The following POLA1 variants were observed in gnomAD, a reference collection of about 807,000 sequenced individuals.
POLA1 encodes the protein DNA polymerase alpha catalytic subunit.
POLA1 carries 15 observed loss-of-function variants against 124.0 expected under a neutral mutation model. The observed-to-expected ratio is 0.12, with a 90% CI of 0.08 to 0.19. The LOEUF is 0.19. Among genes scored for constraint, POLA1 ranks in the 10% least tolerant of loss-of-function variants. The pLI, the probability that POLA1 is intolerant of heterozygous loss-of-function variation, is 1.00. For synonymous variants in POLA1, 408 were observed against 389.4 expected (o/e 1.05, Z -0.56); for missense variants, 886 against 1,103.4 (o/e 0.80, Z 2.79).
chrX:24,936,170 A>G (rs1251855892), intron 36 of POLA1, among the ~76,000 whole-genome samples: 2 of 112,484 alleles, frequency 1.8e-5, no homozygotes, highest in Non-Finnish European at 3.8e-5. Context: ...CAAAGACAAC[A>G]GCTAGTACTG....
At chrX:24,940,188 A>G (rs2047895749) in intron 36 of POLA1, among the ~76,000 whole-genome samples, 1 of 111,996 alleles carries the variant, frequency 8.9e-6, no homozygotes, top group Non-Finnish European at 1.9e-5. Flanking sequence ...GTTTAATTCA[A>G]TAAAGCTATG....
chrX:24,887,749 G>A (rs1040304128), intron 34 of POLA1, among the ~76,000 whole-genome samples: 2 of 109,309 alleles, frequency 1.8e-5, no homozygotes, highest in African/African-American at 3.3e-5. Context: ...GAGTGAGGAA[G>A]GGTGTTTCTT....
intron 18 of POLA1, 120 bp from the exon 19 acceptor site, chrX:24,737,505 C>T: frequency 2.1e-6 from 1 of 477,464 alleles, no homozygotes; most frequent in Non-Finnish European, 3.7e-6. Context: ...GAGGTAAGTG[C>T]ATGATGTCTT....
chrX:24,732,957 T>C (rs1224533789), intron 16 of POLA1, among the ~76,000 whole-genome samples: 1 of 112,188 alleles, frequency 8.9e-6, no homozygotes, highest in Non-Finnish European at 1.9e-5. Flanking sequence ...GTTCTGCATA[T>C]GTGTTTTATG....
intron 4 of POLA1, among the ~76,000 whole-genome samples, chrX:24,706,803 G>A (rs1261281338): frequency 2.7e-5 from 3 of 111,882 alleles, no homozygotes; most frequent in African/African-American, 9.7e-5. Context: ...TGTGTGTTTT[G>A]TATTGATTTA....
Position 24,803,959 on chromosome X carries a change from AAAGC to A in POLA1, c.2965-5937_2965-5934del, listed in dbSNP as rs1300530643. Among the ~76,000 whole-genome samples the A allele has an allele frequency of 1.6e-4, 17 of 106,866 alleles. 1 individual carries two copies. The Admixed American group carries it at 1.6e-3, about 10-fold the overall frequency. The allele number at this position is 106,866 out of a possible 115,157, so 92.8% of individuals were successfully genotyped here. ...AAAAAAAAAAAAAAAAAAAAAAAAA[AAAGC>A]ACGAATATTTGTATAACATTTTATC... On this transcript the variant is annotated intron_variant, in intron 26 of 36. Transcript: ENST00000379068.
At chrX:24,937,552 AT>A (rs1178025276) in intron 36 of POLA1, among the ~76,000 whole-genome samples, 2 of 112,272 alleles carry the variant, frequency 1.8e-5, no homozygotes, top group East Asian at 5.5e-4. Context: ...GAGGGAAAAA[AT>A]AACATAGAAA....
At chrX:24,787,428 A>G (rs758036386) in intron 26 of POLA1, among the ~76,000 whole-genome samples, 20 of 111,722 alleles carry the variant, frequency 1.8e-4, no homozygotes, top group Admixed American at 1.5e-3. Context: ...ATTCTTTCGT[A>G]TGTGGATATC....
intron 34 of POLA1, among the ~76,000 whole-genome samples, chrX:24,867,939 T>C (rs1048144738): frequency 1.8e-5 from 2 of 112,031 alleles, no homozygotes; most frequent in African/African-American, 6.5e-5. Flanking sequence ...ACCTTGTTAG[T>C]AAGAAACTTT....
chrX:24,765,318 G>GAC (rs1191499685), intron 26 of POLA1, among the ~76,000 whole-genome samples: 2 of 99,544 alleles, frequency 2.0e-5, no homozygotes, highest in Non-Finnish European at 4.0e-5. Context: ...TTTTTTTTGA[G>GAC]ACAGAGTCTT....
intron 35 of POLA1, among the ~76,000 whole-genome samples, chrX:24,929,013 A>G (rs2047734555): frequency 8.9e-6 from 1 of 112,031 alleles, no homozygotes; most frequent in African/African-American, 3.2e-5. Context: ...ATATTTATAG[A>G]TACCATTTGT....
At chrX:24,964,569 A>G (rs1394292610) in intron 36 of POLA1, among the ~76,000 whole-genome samples, 6 of 112,787 alleles carry the variant, frequency 5.3e-5, no homozygotes, top group Non-Finnish European at 1.1e-4. Context: ...ATACGTTATT[A>G]GGGAATCTGT....
At chrX:24,891,969 C>A (rs1206296672) in intron 35 of POLA1, among the ~76,000 whole-genome samples, 2 of 111,142 alleles carry the variant, frequency 1.8e-5, no homozygotes, top group African/African-American at 6.5e-5. Flanking sequence ...ACATAATAAA[C>A]CTATTCTCAC....
intron 36 of POLA1, among the ~76,000 whole-genome samples, chrX:24,954,808 C>T (rs935440125): frequency 7.2e-5 from 8 of 111,764 alleles, no homozygotes; most frequent in African/African-American, 2.3e-4. Flanking sequence ...CAGTACTGAG[C>T]CCCTGTAGCA....
chrX:24,773,696 A>G (rs148442625), intron 26 of POLA1, among the ~76,000 whole-genome samples: 11 of 112,359 alleles, frequency 9.8e-5, no homozygotes, highest in African/African-American at 3.6e-4. Flanking sequence ...ATGAGCTGCT[A>G]TTGTTAATCT....
intron 27 of POLA1, among the ~76,000 whole-genome samples, chrX:24,810,457 A>C (rs965016603): frequency 2.7e-5 from 3 of 111,394 alleles, no homozygotes; most frequent in Non-Finnish European, 3.8e-5. Flanking sequence ...AACTAGACAC[A>C]ATTCTCCTTC....
chrX:24,747,282 C>T (rs1327319736), intron 24 of POLA1, among the ~76,000 whole-genome samples: 1 of 109,041 alleles, frequency 9.2e-6, no homozygotes, highest in African/African-American at 3.4e-5. Context: ...TCTCCTGCCT[C>T]AGCCTCCCGA....
chrX:24,919,857 T>G (rs1408078797), intron 35 of POLA1, among the ~76,000 whole-genome samples: 1 of 91,622 alleles, frequency 1.1e-5, no homozygotes, highest in Non-Finnish European at 2.2e-5. Context: ...TTTTTTTTTT[T>G]TTTTTTTGAG....
At chrX:24,711,458 A>G (rs1929425861) in intron 4 of POLA1, among the ~76,000 whole-genome samples, 1 of 112,439 alleles carries the variant, frequency 8.9e-6, no homozygotes, top group African/African-American at 3.2e-5. Flanking sequence ...ATGTTTATTC[A>G]AATGGTTTCC....
Sources: allele counts gnomAD v4.1 joint callset (sites outside exome capture counted in the v4.1 genomes callset), GRCh38; gene constraint gnomAD v4.1.1; transcripts MANE v1.5; gene names NCBI Gene and HGNC (gene_info 2026-07-23, HGNC 2026-07-21).